ROCK1: variants seen among roughly 807,000 people sequenced by gnomAD.
The protein encoded by ROCK1 is Rho associated coiled-coil containing protein kinase 1, also known as rho-associated protein kinase 1.
A neutral mutation model predicts 196.8 loss-of-function variants in ROCK1; 36 were observed. The ratio of observed to expected loss-of-function variants is 0.18; its 90% CI spans 0.14 to 0.24. The LOEUF (loss-of-function observed/expected upper bound fraction) is 0.24. Among genes scored for constraint, ROCK1 ranks in the 10% least tolerant of loss-of-function variants. The pLI is 1.00. For synonymous variants in ROCK1, 443 were observed against 515.9 expected (o/e 0.86, Z 1.91); for missense variants, 920 against 1,562.0 (o/e 0.59, Z 6.93).
At chr18:21,021,417 G>A (rs1166799041) in intron 11 of ROCK1, among the ~76,000 whole-genome samples, 2 of 151,834 alleles carry the variant, frequency 1.3e-5, no homozygotes, top group Admixed American at 6.6e-5. Context: ...CCTGAAAAGA[G>A]GATTGAAAAA....
chr18:21,062,984 G>C (rs1016812184), intron 2 of ROCK1, among the ~76,000 whole-genome samples: 1 of 152,120 alleles, frequency 6.6e-6, no homozygotes, highest in African/African-American at 2.4e-5. Flanking sequence ...AAAGGAGAAT[G>C]GATACTGTCT....
rs1184053980 is a variant in ROCK1, at chr18:20,950,822, C to G, written c.*562G>C. 1 of 152,444 alleles carries G rather than the reference C, an allele frequency of 6.6e-6. No homozygotes were observed. Among genetic ancestry groups the G allele is most frequent in the African/African-American group, 2.4e-5 (1 of 41,392 alleles). 9.4% of individuals were successfully genotyped at this position (152,444 alleles called of 1,614,324 possible). Reference sequence around the variant, plus strand: ...CATCAAGTCCAACATGGGCAATCAACAGTAAGGCTTTTAAATTCTACAGTG... The same window carrying G: ...CATCAAGTCCAACATGGGCAATCAAGAGTAAGGCTTTTAAATTCTACAGTG... On this transcript the variant is annotated 3_prime_UTR_variant, in exon 33 of 33. Coordinates refer to ENST00000399799, the MANE Select transcript of ROCK1 (RefSeq NM_005406.3).
chr18:21,099,693 C>T (rs1365714232), intron 1 of ROCK1, among the ~76,000 whole-genome samples: 3 of 152,160 alleles, frequency 2.0e-5, no homozygotes, highest in Non-Finnish European at 4.4e-5. Flanking sequence ...TGCAGTGAAC[C>T]GTGATCATGC....
At chr18:21,019,431 C>T (rs959784953) in intron 12 of ROCK1, among the ~76,000 whole-genome samples, 1 of 152,060 alleles carries the variant, frequency 6.6e-6, no homozygotes, top group Non-Finnish European at 1.5e-5. Context: ...TTTTAGTTAG[C>T]TAATTATGTA....
At chr18:21,108,904 T>C (rs1854217488) in intron 1 of ROCK1, among the ~76,000 whole-genome samples, 1 of 152,176 alleles carries the variant, frequency 6.6e-6, no homozygotes, top group Non-Finnish European at 1.5e-5. Flanking sequence ...ATCCTTAGCC[T>C]ACCAATCAAA....
At chr18:21,052,529 C>T (rs1443099822) in intron 2 of ROCK1, among the ~76,000 whole-genome samples, 3 of 152,128 alleles carry the variant, frequency 2.0e-5, no homozygotes, top group Non-Finnish European at 1.5e-5. Flanking sequence ...CAGGGATTCC[C>T]AACCCCTGAG....
At chr18:20,967,990 T>C in intron 25 of ROCK1, 50 bp from the exon 26 acceptor site, 7 of 1,302,936 alleles carry the variant, frequency 5.4e-6, no homozygotes, top group East Asian at 2.7e-5. Context: ...TCCAATTTAA[T>C]ACTAAAATGT....
chr18:20,999,938 T>C (rs1420411681), intron 16 of ROCK1, among the ~76,000 whole-genome samples: 1 of 152,224 alleles, frequency 6.6e-6, no homozygotes, highest in Non-Finnish European at 1.5e-5. Flanking sequence ...GAAGATTTAA[T>C]ATTGTTAAGA....
chr18:21,023,506 G>T, intron 11 of ROCK1, 114 bp downstream of exon 11: 1 of 496,502 alleles, frequency 2.0e-6, no homozygotes, highest in Non-Finnish European at 3.4e-6. Context: ...AAAAATCTAA[G>T]TTCAGCTAAC....
chr18:21,039,448 T>C, intron 9 of ROCK1, 24 bp downstream of exon 9: 1 of 1,535,396 alleles, frequency 6.5e-7, no homozygotes, highest in Non-Finnish European at 8.9e-7. Context: ...TTCACTAAAA[T>C]ATGAAAGAAA....
intron 2 of ROCK1, among the ~76,000 whole-genome samples, chr18:21,052,064 T>C (rs1225510270): frequency 6.6e-6 from 1 of 152,178 alleles, no homozygotes; most frequent in Non-Finnish European, 1.5e-5. Flanking sequence ...AAAAAGATTC[T>C]TGGCTCTAGC....
chr18:20,998,577 T>C (rs1479118860), intron 16 of ROCK1, among the ~76,000 whole-genome samples: 2 of 150,996 alleles, frequency 1.3e-5, no homozygotes, highest in East Asian at 3.9e-4. Context: ...TGAATGACTT[T>C]ACTGCTAAAT....
At chr18:21,104,721 G>A (rs1343289697) in intron 1 of ROCK1, among the ~76,000 whole-genome samples, 1 of 152,158 alleles carries the variant, frequency 6.6e-6, no homozygotes, top group African/African-American at 2.4e-5. Context: ...AAGTATAAAA[G>A]ATACACACAG....
At chr18:21,091,966 C>T (rs1374939659) in intron 1 of ROCK1, among the ~76,000 whole-genome samples, 6 of 151,790 alleles carry the variant, frequency 4.0e-5, no homozygotes, top group African/African-American at 1.2e-4. Context: ...GGCAACAGAG[C>T]GAGACGCTGT....
chr18:20,982,127 T>C (rs2035538422), intron 21 of ROCK1, among the ~76,000 whole-genome samples: 1 of 152,238 alleles, frequency 6.6e-6, no homozygotes, highest in South Asian at 2.1e-4. Flanking sequence ...ACTGGATGAC[T>C]GCTCTGTGGA....
intron 27 of ROCK1, among the ~76,000 whole-genome samples, chr18:20,965,115 G>T (rs1488612969): frequency 1.3e-5 from 2 of 152,176 alleles, no homozygotes; most frequent in African/African-American, 4.8e-5. Flanking sequence ...GGTCGGCCAG[G>T]CGGGTGGCTC....
chr18:20,984,583 A>C, intron 19 of ROCK1, 48 bp from the exon 20 acceptor site: 1 of 1,391,850 alleles, frequency 7.2e-7, no homozygotes, highest in Non-Finnish European at 9.8e-7. Context: ...TAAATAATTT[A>C]TTAGACATTA....
chr18:20,997,857 C>T (rs1342098153), intron 16 of ROCK1, among the ~76,000 whole-genome samples: 2 of 145,974 alleles, frequency 1.4e-5, no homozygotes, highest in African/African-American at 5.1e-5. Context: ...TTTTTTGAGA[C>T]GAAGTTTCGC....
intron 11 of ROCK1, among the ~76,000 whole-genome samples, chr18:21,022,457 T>C (rs969752910): frequency 3.9e-5 from 6 of 152,178 alleles, no homozygotes; most frequent in Non-Finnish European, 8.8e-5. Context: ...TGAAAATTCA[T>C]CCTCTGCTCT....
Sources: allele counts gnomAD v4.1 joint callset (sites outside exome capture counted in the v4.1 genomes callset), GRCh38; gene constraint gnomAD v4.1.1; transcripts MANE v1.5; gene names NCBI Gene and HGNC (gene_info 2026-07-23, HGNC 2026-07-21).